MGAT4C: variants seen among roughly 807,000 people sequenced by gnomAD.
MGAT4C encodes MGAT4 family member C, also known as alpha-1,3-mannosyl-glycoprotein 4-beta-N-acetylglucosaminyltransferase C.
In MGAT4C, 19 loss-of-function variants were observed where a neutral mutation model predicts 40.1. The observed-to-expected ratio is 0.47, with a 90% CI of 0.33 to 0.70. The LOEUF (loss-of-function observed/expected upper bound fraction) is 0.70, where lower values mean the gene tolerates loss of function less well. Ranked by LOEUF, MGAT4C falls within the 30% of genes least tolerant of loss-of-function variation. The pLI is 0.02. For synonymous variants in MGAT4C, 181 were observed against 187.1 expected (o/e 0.97, Z 0.27); for missense variants, 491 against 563.2 (o/e 0.87, Z 1.30).
At chr12:86,024,320 A>G (rs1245135727) in intron 2 of MGAT4C, among the ~76,000 whole-genome samples, 1 of 151,706 alleles carries the variant, frequency 6.6e-6, no homozygotes, top group Admixed American at 6.6e-5. Flanking sequence ...AAAAATATGC[A>G]TATAGCTTAT....
chr12:86,570,581 A>G (rs1402644933), intron 2 of MGAT4C, among the ~76,000 whole-genome samples: 4 of 152,106 alleles, frequency 2.6e-5, no homozygotes, highest in African/African-American at 7.2e-5. Context: ...AACTTTAATC[A>G]AGGAGGTGAA....
chr12:86,719,412 T>G (rs1263890146), intron 2 of MGAT4C, among the ~76,000 whole-genome samples: 3 of 152,104 alleles, frequency 2.0e-5, no homozygotes, highest in Non-Finnish European at 4.4e-5. Context: ...GCCCACCATA[T>G]AGCTAACATA....
At chr12:86,434,720 T>C (rs933589275) in intron 3 of MGAT4C, among the ~76,000 whole-genome samples, 1 of 151,904 alleles carries the variant, frequency 6.6e-6, no homozygotes, top group African/African-American at 2.4e-5. Context: ...GTCAAAAATA[T>C]CTGCAAGTGA....
At chr12:86,172,914 T>C (rs1178695431) in intron 1 of MGAT4C, among the ~76,000 whole-genome samples, 1 of 152,116 alleles carries the variant, frequency 6.6e-6, no homozygotes, top group Non-Finnish European at 1.5e-5. Context: ...ATTAGAGCCA[T>C]TGATGACTTT....
At chr12:86,708,595 CT>C (rs1285432338) in intron 2 of MGAT4C, among the ~76,000 whole-genome samples, 1 of 152,130 alleles carries the variant, frequency 6.6e-6, no homozygotes, top group Admixed American at 6.5e-5. Flanking sequence ...ACACTCAGCG[CT>C]AGCCTTTGAA....
intron 2 of MGAT4C, among the ~76,000 whole-genome samples, chr12:86,010,765 C>A (rs997636898): frequency 6.6e-6 from 1 of 152,064 alleles, no homozygotes; most frequent in Non-Finnish European, 1.5e-5. Context: ...AAAGGTGAGG[C>A]CTTTAACAGG....
chr12:86,649,431 G>A (rs567473837), intron 2 of MGAT4C, among the ~76,000 whole-genome samples: 17 of 151,646 alleles, frequency 1.1e-4, no homozygotes, highest in Non-Finnish European at 2.2e-4. Context: ...TCAGCTTTAG[G>A]TATTAGACAA....
intron 3 of MGAT4C, among the ~76,000 whole-genome samples, chr12:86,399,644 A>G (rs1956321617): frequency 6.6e-6 from 1 of 152,092 alleles, no homozygotes; most frequent in African/African-American, 2.4e-5. Flanking sequence ...TGAAGTCTCC[A>G]TGAAAGGCTC....
At chr12:86,646,187 A>T (rs1008551109) in intron 2 of MGAT4C, among the ~76,000 whole-genome samples, 1 of 151,902 alleles carries the variant, frequency 6.6e-6, no homozygotes, top group Admixed American at 6.6e-5. Flanking sequence ...CAACATTTAT[A>T]TAAAATCTAT....
intron 3 of MGAT4C, among the ~76,000 whole-genome samples, chr12:86,420,304 C>T (rs1956795599): frequency 6.6e-6 from 1 of 151,916 alleles, no homozygotes; most frequent in African/African-American, 2.4e-5. Context: ...ATCACTTGAG[C>T]CCAGAGGTTA....
intron 1 of MGAT4C, among the ~76,000 whole-genome samples, chr12:86,217,218 A>G (rs1950706083): frequency 1.3e-5 from 2 of 152,178 alleles, no homozygotes; most frequent in African/African-American, 4.8e-5. Flanking sequence ...TCTGTCACCT[A>G]GACTGGAGTG....
intron 1 of MGAT4C, among the ~76,000 whole-genome samples, chr12:86,809,318 T>A (rs1025207478): frequency 6.6e-6 from 1 of 152,140 alleles, no homozygotes; most frequent in Non-Finnish European, 1.5e-5. Flanking sequence ...CTGTTGGATA[T>A]CTGAGCTATT....
At chr12:86,193,044 A>C (rs997214165) in intron 1 of MGAT4C, among the ~76,000 whole-genome samples, 1 of 151,974 alleles carries the variant, frequency 6.6e-6, no homozygotes, top group South Asian at 2.1e-4. Flanking sequence ...ATCTCCTGTA[A>C]GCAGCATAAA....
chr12:86,146,760 GA>G (rs1177747937), intron 1 of MGAT4C, among the ~76,000 whole-genome samples: 2 of 151,786 alleles, frequency 1.3e-5, no homozygotes, highest in East Asian at 3.9e-4. Context: ...TACCATCATT[GA>G]GATTCAAACC....
rs973501531 is a variant in MGAT4C, at chr12:86,577,621, T to C, written c.-228-142356A>G. ...TAGCATATGTTCAGCCATCCTCGCATTCCACAGATAAATCTCACTTGGTCA... is the reference window on the plus strand; with the variant it reads ...TAGCATATGTTCAGCCATCCTCGCACTCCACAGATAAATCTCACTTGGTCA... On this transcript the variant is annotated intron_variant, in intron 2 of 7. Coordinates refer to the MGAT4C transcript ENST00000548651. Among the ~76,000 whole-genome samples, 3 of 151,822 alleles carry C rather than the reference T, an allele frequency of 2.0e-5. No individual in the cohort carries two copies. The Admixed American group carries it at 2.0e-4, about 10-fold the overall frequency.
chr12:86,149,625 A>T (rs1884016336), intron 1 of MGAT4C, among the ~76,000 whole-genome samples: 2 of 152,220 alleles, frequency 1.3e-5, no homozygotes, highest in South Asian at 4.1e-4. Context: ...CTAAATTTTC[A>T]CTAAAAATCT....
At position 85,968,027 on chromosome 12, in the gene MGAT4C, T is replaced by C. The variant is rs1050958867; in HGVS notation, c.*11262A>G. The C allele has an allele frequency of 6.6e-6, 1 of 152,132 alleles. No individual in the cohort carries two copies. The highest frequency in any genetic ancestry group is 1.5e-5 in the Non-Finnish European group (1 of 67,930). The allele number at this position is 152,132 out of a possible 1,614,324, so 9.4% of individuals were successfully genotyped here. On this transcript the variant is annotated 3_prime_UTR_variant, in exon 5 of 5. Transcript: ENST00000611864. ...AATATGACTTGTTCTGTTTCAGCTA[T>C]CTGAAATTTAAAAATTTGACAAATT...
chr12:86,758,003 G>C (rs1951335460), intron 1 of MGAT4C, among the ~76,000 whole-genome samples: 1 of 152,116 alleles, frequency 6.6e-6, no homozygotes. Flanking sequence ...AAGTAAGTCA[G>C]AAAATGCCTT....
intron 1 of MGAT4C, among the ~76,000 whole-genome samples, chr12:86,791,560 G>T (rs1427381530): frequency 6.6e-6 from 1 of 151,810 alleles, no homozygotes; most frequent in Non-Finnish European, 1.5e-5. Flanking sequence ...GCATATTTAG[G>T]TGATAGTATG....
Sources: gnomAD v4.1 joint callset for allele counts (sites outside exome capture counted in the v4.1 genomes callset) on GRCh38, gnomAD v4.1.1 for gene constraint, MANE v1.5 for transcripts, NCBI Gene and HGNC (gene_info 2026-07-23, HGNC 2026-07-21) for gene names.